Variants in GAB1 observed in about 807,000 individuals in gnomAD.
The protein encoded by GAB1 is GRB2-associated-binding protein 1.
In GAB1, 19 loss-of-function variants were observed where a neutral mutation model predicts 66.5. That is an observed-to-expected ratio of 0.29 (90% CI 0.20 to 0.42). The LOEUF is 0.42. Among genes scored for constraint, GAB1 ranks in the 10% least tolerant of loss-of-function variants. The pLI is 1.00. For synonymous variants in GAB1, 294 were observed against 301.4 expected, an observed-to-expected ratio of 0.98 and a Z score of 0.25; for missense variants, 732 against 858.5, an observed-to-expected ratio of 0.85 and a Z score of 1.84.
rs1030824403 is a variant in GAB1, at chr4:143,471,721, A to G, written c.*2532A>G. On this transcript the variant is annotated 3_prime_UTR_variant, in exon 10 of 10. Coordinates refer to ENST00000262994, the MANE Select transcript of GAB1 (RefSeq NM_002039.4). Reference sequence around the variant, plus strand: ...AGGTTTTAAACATACATCTCAGGAAATTCTTTAATTAGAGATAGCTAAAGT... The same window carrying G: ...AGGTTTTAAACATACATCTCAGGAAGTTCTTTAATTAGAGATAGCTAAAGT... The G allele has an allele frequency of 2.6e-5, 4 of 152,242 alleles. No individual in the cohort carries two copies. The highest frequency in any genetic ancestry group is 5.9e-5 in the Non-Finnish European group (4 of 68,034). The allele number at this position is 152,242 out of a possible 1,614,324, so 9.4% of individuals were successfully genotyped here.
chr4:143,427,739 G>A (rs1053288667), intron 2 of GAB1, among the ~76,000 whole-genome samples: 4 of 152,104 alleles, frequency 2.6e-5, no homozygotes, highest in African/African-American at 9.7e-5. Context: ...GGAGGACAGA[G>A]GAGGAAAAAG....
intron 6 of GAB1, among the ~76,000 whole-genome samples, chr4:143,456,207 C>T (rs898214977): frequency 2.6e-5 from 4 of 152,174 alleles, no homozygotes; most frequent in African/African-American, 7.2e-5. Flanking sequence ...CCTGTAATCC[C>T]AGCACTTTGG....
intron 8 of GAB1, among the ~76,000 whole-genome samples, chr4:143,464,939 T>C (rs1385344594): frequency 6.6e-6 from 1 of 152,228 alleles, no homozygotes; most frequent in Non-Finnish European, 1.5e-5. Context: ...AGTTTTCAAA[T>C]TGTTTTATTC....
intron 1 of GAB1, among the ~76,000 whole-genome samples, chr4:143,354,750 A>C (rs1348792137): frequency 6.6e-6 from 1 of 152,214 alleles, no homozygotes; most frequent in Non-Finnish European, 1.5e-5. Context: ...GTTTTAAGTT[A>C]TAATTTTTAA....
chr4:143,460,325 G>A lies in GAB1; in HGVS notation c.1680-39G>A, dbSNP rs1020065295. ...TTGGGGAATAATTTTAGATATTTTT[G>A]TCAAGGCTTATGTTTGTGATGATAA... is the stretch of plus-strand genomic sequence containing the variant. On this transcript the variant is annotated intron_variant, in intron 7 of 9. Transcript: ENST00000262994. The A allele has an allele frequency of 1.9e-6, 3 of 1,603,224 alleles. No homozygotes were observed. The African/African-American group carries it at 4.0e-5, about 22-fold the overall frequency.
intron 3 of GAB1, among the ~76,000 whole-genome samples, chr4:143,437,092 C>T (rs1733977610): frequency 6.6e-6 from 1 of 152,044 alleles, no homozygotes; most frequent in Non-Finnish European, 1.5e-5. Flanking sequence ...AAGGGGGAGA[C>T]TTTACAGAGC....
chr4:143,391,061 C>T (rs1029048946), intron 1 of GAB1, among the ~76,000 whole-genome samples: 2 of 152,278 alleles, frequency 1.3e-5, no homozygotes, highest in South Asian at 2.1e-4. Flanking sequence ...CCTGGATGAC[C>T]ATGTGCTCAG....
At chr4:143,416,706 G>A (rs761656266) in intron 2 of GAB1, among the ~76,000 whole-genome samples, 4 of 152,116 alleles carry the variant, frequency 2.6e-5, no homozygotes, top group South Asian at 2.1e-4. Context: ...CCCAGGAGGC[G>A]GAGGCTACAG....
intron 8 of GAB1, among the ~76,000 whole-genome samples, chr4:143,463,989 T>C (rs905056335): frequency 6.6e-6 from 1 of 152,238 alleles, no homozygotes; most frequent in Admixed American, 6.5e-5. Flanking sequence ...TGAACAATTC[T>C]AGATATTTCT....
At position 143,439,710 on chromosome 4, in the gene GAB1, T is replaced by C. The variant is rs568040664; in HGVS notation, c.1196-92T>C. On this transcript the variant is annotated intron_variant, in intron 4 of 9. Coordinates refer to ENST00000262994, the MANE Select transcript of GAB1 (RefSeq NM_002039.4). Reference sequence around the variant, plus strand: ...GTGTGTGTGCATGTGTGTATGCATATGTATAATGAGAGAAAGATAATAGGT... The same window carrying C: ...GTGTGTGTGCATGTGTGTATGCATACGTATAATGAGAGAAAGATAATAGGT... 1.7e-5 allele frequency: 14 copies of C among 809,500 alleles called. No homozygotes were observed. In the African/African-American group the frequency reaches 2.0e-4, roughly 12 times the overall value. The allele number at this position is 809,500 out of a possible 1,614,324, so 50.1% of individuals were successfully genotyped here. A position where few individuals can be genotyped will look rare whatever the true frequency, so the allele number is the denominator to read the frequency against.
intron 6 of GAB1, among the ~76,000 whole-genome samples, chr4:143,449,516 G>A (rs1392281919): frequency 1.3e-5 from 2 of 152,086 alleles, no homozygotes; most frequent in Non-Finnish European, 2.9e-5. Flanking sequence ...AGCTCTTCTT[G>A]TTGAATTGAT....
intron 1 of GAB1, among the ~76,000 whole-genome samples, chr4:143,353,709 C>T (rs1165934227): frequency 6.6e-6 from 1 of 150,734 alleles, no homozygotes; most frequent in Non-Finnish European, 1.5e-5. Flanking sequence ...TTGGAAGTTA[C>T]TTATAAAATG....
intron 1 of GAB1, among the ~76,000 whole-genome samples, chr4:143,394,058 G>T (rs1449166830): frequency 6.6e-6 from 1 of 152,292 alleles, no homozygotes; most frequent in East Asian, 1.9e-4. Flanking sequence ...CAGATCAGGA[G>T]GTCAGGAGAT....
chr4:143,418,338 C>A (rs917221778), intron 2 of GAB1, among the ~76,000 whole-genome samples: 2 of 152,168 alleles, frequency 1.3e-5, no homozygotes, highest in African/African-American at 4.8e-5. Context: ...TCAGTTAAAA[C>A]CCTTTCCTGT....
intron 1 of GAB1, among the ~76,000 whole-genome samples, chr4:143,363,152 A>G (rs895684619): frequency 3.3e-4 from 51 of 152,322 alleles, no homozygotes; most frequent in African/African-American, 1.2e-3. Context: ...TCATACCAGC[A>G]TTCCTCCTCA....
In GAB1 at chr4:143,425,470, T is replaced by C. The variant is rs1255539936; in HGVS notation, c.368-8021T>C. The C allele has an allele frequency of 6.6e-6, 5 of 760,578 alleles. No homozygotes were observed. In the African/African-American group the frequency reaches 6.8e-5, roughly 10 times the overall value. The allele number at this position is 760,578 out of a possible 1,614,324, so 47.1% of individuals were successfully genotyped here. ...TAGAGAGAGGCATCTTATGTTAACC[T>C]ACCTACCATTGCTCTGTGTAACACA... On this transcript the variant is annotated intron_variant, in intron 2 of 9. Transcript: ENST00000262994.
intron 8 of GAB1, among the ~76,000 whole-genome samples, chr4:143,463,732 A>G (rs1229611472): frequency 1.3e-5 from 2 of 152,174 alleles, no homozygotes; most frequent in African/African-American, 2.4e-5. Flanking sequence ...TTGGGAAAAT[A>G]CTGGGTGAAA....
intron 1 of GAB1, among the ~76,000 whole-genome samples, chr4:143,352,185 A>AT (rs1302508352): frequency 1.3e-5 from 2 of 152,152 alleles, no homozygotes; most frequent in East Asian, 3.9e-4. Flanking sequence ...TTATTCATGC[A>AT]TTTTATTACC....
Position 143,357,159 on chromosome 4 carries a change from C to T in GAB1, c.72+19899C>T, listed in dbSNP as rs28989207. Among the ~76,000 whole-genome samples, 1,488 of 152,164 alleles carry T rather than the reference C, an allele frequency of 9.8e-3. 17 individuals carry two copies. Among genetic ancestry groups the T allele is most frequent in the African/African-American group, 0.034 (1,391 of 41,492 alleles). ...CTTCTGCAAACTTAATGTGTGAATACCAGTGGTTGGAACAGAACAGATAGG... is the reference window on the plus strand; with the variant it reads ...CTTCTGCAAACTTAATGTGTGAATATCAGTGGTTGGAACAGAACAGATAGG... On this transcript the variant is annotated intron_variant, in intron 1 of 9. Transcript: ENST00000262994.
Sources: gnomAD v4.1 joint callset for allele counts (sites outside exome capture counted in the v4.1 genomes callset) on GRCh38, gnomAD v4.1.1 for gene constraint, MANE v1.5 for transcripts, NCBI Gene and HGNC (gene_info 2026-07-23, HGNC 2026-07-21) for gene names.